CELF5: variants seen among roughly 807,000 people sequenced by gnomAD.
The protein encoded by CELF5 is CUGBP Elav-like family member 5.
A neutral mutation model predicts 54.9 loss-of-function variants in CELF5; 6 were observed. That is an observed-to-expected ratio of 0.11 (90% CI 0.06 to 0.22). The LOEUF (loss-of-function observed/expected upper bound fraction) is 0.22. CELF5 is among the 10% of genes least tolerant of loss of function. The pLI, the probability that CELF5 is intolerant of heterozygous loss-of-function variation, is 1.00. For synonymous variants in CELF5, 271 were observed against 290.9 expected (o/e 0.93, Z 0.70); for missense variants, 401 against 678.6 (o/e 0.59, Z 4.54).
At chr19:3,230,661 C>A (rs1917211182) in intron 1 of CELF5, among the ~76,000 whole-genome samples, 1 of 152,180 alleles carries the variant, frequency 6.6e-6, no homozygotes, top group Non-Finnish European at 1.5e-5. Context: ...CTCAGGCAGA[C>A]CTGCATGGGA....
At chr19:3,276,934 A>G (rs2080065921) in intron 4 of CELF5, among the ~76,000 whole-genome samples, 1 of 151,970 alleles carries the variant, frequency 6.6e-6, no homozygotes, top group Non-Finnish European at 1.5e-5. Context: ...GTGGTCTCAG[A>G]TTCCTCCACC....
At chr19:3,246,303 G>A (rs1342188660) in intron 1 of CELF5, among the ~76,000 whole-genome samples, 2 of 152,066 alleles carry the variant, frequency 1.3e-5, no homozygotes, top group African/African-American at 2.4e-5. Context: ...GGGGAAGGTT[G>A]CAGTGAGCTG....
intron 2 of CELF5, among the ~76,000 whole-genome samples, chr19:3,270,906 C>A (rs948077222): frequency 2.6e-5 from 4 of 151,770 alleles, no homozygotes; most frequent in Non-Finnish European, 4.4e-5. Flanking sequence ...AGCAGGTACA[C>A]CAGCCCCCCA....
At chr19:3,296,434 G>GAAAAAAAAAAAAAAAAA (rs5826810) in intron 12 of CELF5, 21 of 54,868 alleles carry the variant, frequency 3.8e-4, no homozygotes, top group East Asian at 9.5e-4. Flanking sequence ...AAACCACACA[G>GAAAAAAAAAAAAAAAAA]AAAAAAAAAA....
rs1184383804 is a variant in CELF5, at chr19:3,273,800, C to T, written c.343-72C>T. Reference sequence around the variant, plus strand: ...AGGTGGGCAGGGCTGGCCTGCAGAGCTCAGGCAAAACCCCCCGCCTGCCAC... The same window carrying T: ...AGGTGGGCAGGGCTGGCCTGCAGAGTTCAGGCAAAACCCCCCGCCTGCCAC... On this transcript the variant is annotated intron_variant, in intron 2 of 12. Transcript: ENST00000292672. 3.5e-6 allele frequency: 4 copies of T among 1,130,690 alleles called. No homozygotes were observed. In the African/African-American group the frequency reaches 6.1e-5, roughly 17 times the overall value. The allele number at this position is 1,130,690 out of a possible 1,614,324, so 70.0% of individuals were successfully genotyped here.
At chr19:3,258,020 G>A (rs2079755773) in intron 2 of CELF5, among the ~76,000 whole-genome samples, 1 of 151,368 alleles carries the variant, frequency 6.6e-6, no homozygotes, top group African/African-American at 2.4e-5. Flanking sequence ...GAGTGCAATG[G>A]CACGATCTGT....
intron 2 of CELF5, among the ~76,000 whole-genome samples, chr19:3,251,665 TTTTTTTTTTG>T (rs1197645272): frequency 2.2e-5 from 3 of 137,024 alleles, no homozygotes; most frequent in East Asian, 4.2e-4. Context: ...TTTTTTTTTT[TTTTTTTTTTG>T]TTGTTGTTGT....
At chr19:3,253,912 A>G (rs1469183698) in intron 2 of CELF5, among the ~76,000 whole-genome samples, 2 of 152,120 alleles carry the variant, frequency 1.3e-5, no homozygotes, top group African/African-American at 2.4e-5. Flanking sequence ...CTTCTCCCCC[A>G]TTCCTTTGTC....
In CELF5 at chr19:3,224,711, G is replaced by C. The variant is rs1916786979; in HGVS notation, c.-29G>C. ...GCGAGTCCGCCCGCCGCCCGCCGCC[G>C]CCGCCGCCGGCTCGGTCCCGCGCCC... is the stretch of plus-strand genomic sequence containing the variant. On this transcript the variant is annotated 5_prime_UTR_variant, in exon 1 of 13. Transcript: ENST00000292672. 9.6e-7 allele frequency: 1 copy of C among 1,039,384 alleles called. No individual in the cohort carries two copies. Among genetic ancestry groups the C allele is most frequent in the African/African-American group, 1.7e-5 (1 of 57,842 alleles). 64.4% of individuals were successfully genotyped at this position (1,039,384 alleles called of 1,614,324 possible). A position where few individuals can be genotyped will look rare whatever the true frequency, so the allele number is the denominator to read the frequency against.
At chr19:3,293,963 G>C (rs889188470) in intron 12 of CELF5, 2 of 156,912 alleles carry the variant, frequency 1.3e-5, no homozygotes, top group Non-Finnish European at 1.4e-5. Flanking sequence ...AGCGTGGAAG[G>C]TGGGGACAGT....
chr19:3,267,785 C>T (rs1355171601), intron 2 of CELF5, among the ~76,000 whole-genome samples: 1 of 143,232 alleles, frequency 7.0e-6, no homozygotes, highest in East Asian at 2.9e-4. Flanking sequence ...ATGCTGCCCT[C>T]CTGAAACCCC....
chr19:3,250,332 C>T (rs1171125735), intron 1 of CELF5, among the ~76,000 whole-genome samples: 1 of 151,838 alleles, frequency 6.6e-6, no homozygotes, highest in African/African-American at 2.4e-5. Context: ...ACTAAAAATA[C>T]AAAAAAATTA....
At chr19:3,255,910 CA>C (rs1346900765) in intron 2 of CELF5, among the ~76,000 whole-genome samples, 1 of 151,842 alleles carries the variant, frequency 6.6e-6, no homozygotes, top group African/African-American at 2.4e-5. Context: ...GCTCAAAGTA[CA>C]AAAATTAGCT....
At chr19:3,239,656 A>C (rs2079463428) in intron 1 of CELF5, among the ~76,000 whole-genome samples, 1 of 151,722 alleles carries the variant, frequency 6.6e-6, no homozygotes, top group South Asian at 2.1e-4. Flanking sequence ...CTACCATCCA[A>C]GTGCATCCCA....
At position 3,289,681 on chromosome 19, in the gene CELF5, C is replaced by CAAAAAAAAAAAAAAA. The variant is rs35144942; in HGVS notation, c.1187-530_1187-516dup. On this transcript the variant is annotated intron_variant, in intron 10 of 12. Transcript: ENST00000292672. ...TGGGCGACAGAGCGAGACTCCATCT[C>CAAAAAAAAAAAAAAA]AAAAAAAAAAAAAAAAAAAAAAAAA... Among the ~76,000 whole-genome samples the CAAAAAAAAAAAAAAA allele has an allele frequency of 2.8e-4, 13 of 47,136 alleles. 2 individuals are homozygous for CAAAAAAAAAAAAAAA. Among genetic ancestry groups the CAAAAAAAAAAAAAAA allele is most frequent in the African/African-American group, 9.0e-4 (9 of 10,010 alleles). The allele number at this position is 47,136 out of a possible 152,430, so 30.9% of individuals were successfully genotyped here. A position where few individuals can be genotyped will look rare whatever the true frequency, so the allele number is the denominator to read the frequency against.
intron 8 of CELF5, 46 bp from the exon 9 acceptor site, chr19:3,284,856 G>A: frequency 6.4e-7 from 1 of 1,569,262 alleles, no homozygotes; most frequent in Non-Finnish European, 8.8e-7. Context: ...GTGGATGGAA[G>A]ACTTCTGCTG....
chr19:3,250,328 A>T (rs2079631300), intron 1 of CELF5, among the ~76,000 whole-genome samples: 1 of 152,038 alleles, frequency 6.6e-6, no homozygotes. Flanking sequence ...CTCTACTAAA[A>T]ATACAAAAAA....
chr19:3,272,375 A>G (rs1419104751), intron 2 of CELF5, among the ~76,000 whole-genome samples: 1 of 152,092 alleles, frequency 6.6e-6, no homozygotes, highest in Non-Finnish European at 1.5e-5. Flanking sequence ...CCCAAGAAAA[A>G]AAAAGAAAAA....
chr19:3,257,820 T>A (rs1345750480), intron 2 of CELF5, among the ~76,000 whole-genome samples: 1 of 148,168 alleles, frequency 6.7e-6, no homozygotes, highest in African/African-American at 2.5e-5. Flanking sequence ...TTTATTTATT[T>A]ATTTATTTAT....
Sources: allele counts gnomAD v4.1 joint callset (sites outside exome capture counted in the v4.1 genomes callset), GRCh38; gene constraint gnomAD v4.1.1; transcripts MANE v1.5; gene names NCBI Gene and HGNC (gene_info 2026-07-23, HGNC 2026-07-21).